SLC14A2: variants seen among roughly 807,000 people sequenced by gnomAD.
The protein encoded by SLC14A2 is solute carrier family 14 member 2, also known as urea transporter 2.
A neutral mutation model predicts 104.6 loss-of-function variants in SLC14A2; 91 were observed. The ratio of observed to expected loss-of-function variants is 0.87; its 90% CI spans 0.73 to 1.04. The LOEUF is 1.04. Among genes scored for constraint, SLC14A2 ranks in the 50% least tolerant of loss-of-function variants. The pLI is 0.00. For missense variants in SLC14A2, 1,189 were observed against 1,156.0 expected, an observed-to-expected ratio of 1.03 and a Z score of -0.41; for synonymous variants, 476 against 466.4, an observed-to-expected ratio of 1.02 and a Z score of -0.27.
intron 1 of SLC14A2, among the ~76,000 whole-genome samples, chr18:45,354,551 CA>C (rs1020985632): frequency 1.3e-5 from 2 of 152,216 alleles, no homozygotes; most frequent in African/African-American, 4.8e-5. Context: ...AGCGTGTCCT[CA>C]CATCCCAGAG....
chr18:45,605,361 G>T (rs1451615735), intron 2 of SLC14A2, among the ~76,000 whole-genome samples: 1 of 152,144 alleles, frequency 6.6e-6, no homozygotes, highest in East Asian at 1.9e-4. Flanking sequence ...ACTGGTTTTA[G>T]TTCACCTTAA....
At chr18:45,442,320 C>T (rs1489176332) in intron 1 of SLC14A2, among the ~76,000 whole-genome samples, 3 of 152,206 alleles carry the variant, frequency 2.0e-5, no homozygotes, top group Non-Finnish European at 1.5e-5. Flanking sequence ...TTGTCTCACA[C>T]TTCTGGTGTC....
chr18:45,214,914 T>TAAAA (rs11332986), intron 1 of SLC14A2, among the ~76,000 whole-genome samples: 17 of 113,818 alleles, frequency 1.5e-4, no homozygotes, highest in Admixed American at 4.6e-4. Flanking sequence ...ACCATGTCTT[T>TAAAA]AAAAAAAAAA....
chr18:45,459,102 T>C (rs1479125791), intron 1 of SLC14A2, among the ~76,000 whole-genome samples: 1 of 152,114 alleles, frequency 6.6e-6, no homozygotes, highest in African/African-American at 2.4e-5. Context: ...AGTAGTTCCA[T>C]AAGAGTAATA....
chr18:45,337,681 T>C (rs1173499339), intron 1 of SLC14A2, among the ~76,000 whole-genome samples: 1 of 152,100 alleles, frequency 6.6e-6, no homozygotes, highest in East Asian at 1.9e-4. Context: ...ATAAATAAAA[T>C]AGAGATCATA....
rs555360244 is a variant in SLC14A2 at position 45,473,893 on chromosome 18, G to A, written c.-124-9340G>A. 4.1e-4 allele frequency among the ~76,000 whole-genome samples: 63 copies of A among 152,196 alleles called. 1 individual carries two copies. The highest frequency in any genetic ancestry group is 2.7e-3 in the South Asian group (13 of 4,804). ...ATTTTTTCTCTTGCCTGATTGCCCTGGCCAGAACTTCCAATACTATGTTGA... is the reference window on the plus strand; with the variant it reads ...ATTTTTTCTCTTGCCTGATTGCCCTAGCCAGAACTTCCAATACTATGTTGA... On this transcript the variant is annotated intron_variant, in intron 1 of 20. Transcript: ENST00000586448.
At chr18:45,484,552 C>T (rs949096786) in intron 2 of SLC14A2, among the ~76,000 whole-genome samples, 1 of 152,200 alleles carries the variant, frequency 6.6e-6, no homozygotes, top group African/African-American at 2.4e-5. Flanking sequence ...GGAGGAACTT[C>T]TAATGCCAGC....
At chr18:45,200,680 A>C in the SLC14A2 span, among the ~76,000 whole-genome samples, 3 of 152,318 alleles carry the variant, frequency 2.0e-5, no homozygotes, top group African/African-American at 7.2e-5. Context: ...TTTCACATTC[A>C]ATAAACACCT....
At chr18:45,400,036 T>C (rs990637406) in intron 1 of SLC14A2, among the ~76,000 whole-genome samples, 3 of 152,164 alleles carry the variant, frequency 2.0e-5, no homozygotes, top group African/African-American at 7.2e-5. Flanking sequence ...TGTTAAAGCA[T>C]GGAAGTTTAG....
chr18:45,221,895 C>T (rs1411168967), intron 1 of SLC14A2, among the ~76,000 whole-genome samples: 1 of 151,912 alleles, frequency 6.6e-6, no homozygotes, highest in African/African-American at 2.4e-5. Context: ...TAGACAAAGG[C>T]TTACATAAAA....
At chr18:45,563,996 C>T (rs1277911427) in intron 2 of SLC14A2, among the ~76,000 whole-genome samples, 3 of 152,168 alleles carry the variant, frequency 2.0e-5, no homozygotes, top group African/African-American at 7.2e-5. Context: ...AACTTACTAA[C>T]CAGATTGTCA....
chr18:45,593,529 G>A (rs1285151501), intron 2 of SLC14A2, among the ~76,000 whole-genome samples: 2 of 108,320 alleles, frequency 1.8e-5, no homozygotes, highest in Non-Finnish European at 3.4e-5. Context: ...TTGCTCTGTC[G>A]CCCAGGCTGG....
chr18:45,388,634 A>G (rs578126128), intron 1 of SLC14A2, among the ~76,000 whole-genome samples: 2 of 152,126 alleles, frequency 1.3e-5, no homozygotes, highest in African/African-American at 4.8e-5. Context: ...TCTCTCTGCC[A>G]CCCGCCCTTA....
intron 1 of SLC14A2, among the ~76,000 whole-genome samples, chr18:45,267,246 A>G (rs1325648146): frequency 6.6e-6 from 1 of 152,074 alleles, no homozygotes; most frequent in Non-Finnish European, 1.5e-5. Context: ...GATCCTCCTC[A>G]TGCAGCTGAT....
Position 45,588,688 on chromosome 18 carries a change from G to T in SLC14A2, c.-34-35943G>T, listed in dbSNP as rs373708518. Among the ~76,000 whole-genome samples the T allele has an allele frequency of 8.2e-4, 125 of 152,316 alleles. 1 individual carries two copies. In the South Asian group the frequency reaches 0.016, roughly 19 times the overall value. On this transcript the variant is annotated intron_variant, in intron 2 of 20. Coordinates refer to the SLC14A2 transcript ENST00000586448. The stretch of plus-strand genomic sequence containing the variant: ...GGATAAAGCAGTGTGCAGGCAGGGG[G>T]ATTGATTTTGTGACCTTTCCCAGTT...
intron 1 of SLC14A2, among the ~76,000 whole-genome samples, chr18:45,438,915 T>C (rs182034292): frequency 6.6e-6 from 1 of 152,326 alleles, no homozygotes. Context: ...TTCCCAGTGA[T>C]TCTCTGTACC....
At chr18:45,219,782 G>C (rs967089683) in intron 1 of SLC14A2, among the ~76,000 whole-genome samples, 3 of 152,138 alleles carry the variant, frequency 2.0e-5, no homozygotes, top group Non-Finnish European at 4.4e-5. Context: ...GAGGGACAGA[G>C]AGGCAGGAAA....
At chr18:45,266,741 T>C (rs1313532692) in intron 1 of SLC14A2, among the ~76,000 whole-genome samples, 1 of 152,152 alleles carries the variant, frequency 6.6e-6, no homozygotes, top group Non-Finnish European at 1.5e-5. Flanking sequence ...GTGTGTACAA[T>C]AACTTCATTA....
chr18:45,473,357 T>G, intron 1 of SLC14A2, among the ~76,000 whole-genome samples: 1 of 152,242 alleles, frequency 6.6e-6, no homozygotes, highest in Non-Finnish European at 1.5e-5. Context: ...CTTAGCTACA[T>G]GGGCTCTTTT....
Sources: allele counts gnomAD v4.1 joint callset (sites outside exome capture counted in the v4.1 genomes callset), GRCh38; gene constraint gnomAD v4.1.1; transcripts MANE v1.5; gene names NCBI Gene and HGNC (gene_info 2026-07-23, HGNC 2026-07-21).